RFX1: variants seen among roughly 807,000 people sequenced by gnomAD.
RFX1 encodes the protein regulatory factor X1.
RFX1 carries 42 observed loss-of-function variants against 119.6 expected under a neutral mutation model. That is an observed-to-expected ratio of 0.35 (90% CI 0.27 to 0.45). The LOEUF (loss-of-function observed/expected upper bound fraction) is 0.45, where lower values mean the gene tolerates loss of function less well. Among genes scored for constraint, RFX1 ranks in the 20% least tolerant of loss-of-function variants. The pLI is 1.00. For missense variants in RFX1, 1,118 were observed against 1,368.1 expected (o/e 0.82, Z 2.88); for synonymous variants, 628 against 618.5 (o/e 1.02, Z -0.23).
chr19:13,966,086 C>G lies in RFX1; in HGVS notation c.1962-309G>C, dbSNP rs543559242. 9.2e-5 allele frequency among the ~76,000 whole-genome samples: 14 copies of G among 152,112 alleles called. No individual in the cohort carries two copies. The highest frequency in any genetic ancestry group is 1.9e-4 in the Non-Finnish European group (13 of 67,982). On this transcript the variant is annotated intron_variant, in intron 14 of 20. Coordinates refer to ENST00000254325, the MANE Select transcript of RFX1 (RefSeq NM_002918.5). This position sits in a 1 kb window ranked among gnomAD's most constrained non-coding sequence, Gnocchi z 6.3. ...GGTACCCCCGTCCCCAGGTAAGTAC[C>G]CCCTGCCTCCCAAAGATCCCCAGGG...
intron 19 of RFX1, 27 bp downstream of exon 19, chr19:13,963,094 CG>C (rs1973764517): frequency 6.2e-7 from 1 of 1,608,348 alleles, no homozygotes; most frequent in Admixed American, 1.7e-5. Context: ...GCGCCCCGCC[CG>C]CGCCCCCAGT....
intron 9 of RFX1, among the ~76,000 whole-genome samples, 167 bp from the exon 10 acceptor site, chr19:13,970,342 A>ACT (rs112001666): frequency 0.062 from 9,473 of 152,072 alleles, 982 homozygotes; most frequent in African/African-American, 0.21. Flanking sequence ...GTCCCACAGA[A>ACT]CTCTAGAACT....
In RFX1 at chr19:13,966,790, C is replaced by G; in HGVS notation, c.1733-39G>C. ...GGGAACCGTGAGGCCCTTCATCCCC[C>G]TTGCCTGCCCACCCTGGGGTCCTAC... On this transcript the variant is annotated intron_variant, in intron 12 of 20. Coordinates refer to ENST00000254325, the MANE Select transcript of RFX1 (RefSeq NM_002918.5). This position sits in a 1 kb window ranked among gnomAD's most constrained non-coding sequence, Gnocchi z 6.3. 10 of 1,406,420 alleles carry G rather than the reference C, an allele frequency of 7.1e-6. No homozygotes were observed. The highest frequency in any genetic ancestry group is 9.9e-6 in the Non-Finnish European group (10 of 1,013,310). 87.1% of individuals were successfully genotyped at this position (1,406,420 alleles called of 1,614,324 possible). A position where few individuals can be genotyped will look rare whatever the true frequency, so the allele number is the denominator to read the frequency against.
At chr19:14,005,724 C>T (rs957420139) in intron 1 of RFX1, among the ~76,000 whole-genome samples, 1 of 151,808 alleles carries the variant, frequency 6.6e-6, no homozygotes, top group Non-Finnish European at 1.5e-5. Flanking sequence ...ACCCAGCCGG[C>T]CCCGCCCATA....
At chr19:13,981,766 C>T (rs924790133) in intron 5 of RFX1, among the ~76,000 whole-genome samples, 7 of 152,238 alleles carry the variant, frequency 4.6e-5, no homozygotes, top group African/African-American at 1.7e-4. Flanking sequence ...CCAAGGCTTC[C>T]TGGAAGAGAC....
At position 13,973,096 on chromosome 19, in the gene RFX1, G is replaced by C; in HGVS notation, c.961C>G (p.Pro321Ala). Reference protein sequence around the residue: ...RSSTYSYPETPLYTQTASTSY... With the variant: ...RSSTYSYPETALYTQTASTSY... ...GTGCTTGCCGTCTGCGTGTACAGCG[G>C]CGTCTCGGGATAGGAGTAGGTGCTG... Residue 321 changes from proline (P) to alanine (A), a missense_variant, in exon 9 of 21, where the codon CCG (proline) becomes GCG (alanine). Physicochemically the swap from Pro to Ala is conservative, Grantham distance 27. Transcript: ENST00000254325. 6.2e-7 allele frequency: 1 copy of C among 1,600,458 alleles called. No individual in the cohort carries two copies. The highest frequency in any genetic ancestry group is 1.1e-5 in the South Asian group (1 of 91,066).
rs545706199 is a variant in RFX1, at chr19:13,980,793, G to A, written c.622-104C>T. The A allele has an allele frequency of 4.0e-5, 25 of 631,942 alleles. No individual in the cohort carries two copies. Among genetic ancestry groups the A allele is most frequent in the African/African-American group, 9.4e-5 (5 of 52,994 alleles). 39.1% of individuals were successfully genotyped at this position (631,942 alleles called of 1,614,324 possible). A position where few individuals can be genotyped will look rare whatever the true frequency, so the allele number is the denominator to read the frequency against. ...CTCAGGAGAGCTGTCTGGGGAGGGCGGCAGTCTGTGGGGACCTATCCCAAC... is the reference window on the plus strand; with the variant it reads ...CTCAGGAGAGCTGTCTGGGGAGGGCAGCAGTCTGTGGGGACCTATCCCAAC... On this transcript the variant is annotated intron_variant, in intron 5 of 20. Coordinates refer to ENST00000254325, the MANE Select transcript of RFX1 (RefSeq NM_002918.5). This position sits in a 1 kb window ranked among gnomAD's most constrained non-coding sequence, Gnocchi z 5.1.
In RFX1 at chr19:13,970,163, G is replaced by T; in HGVS notation, c.1327C>A (p.Leu443Met). 1 of 1,608,076 alleles carries T rather than the reference G, an allele frequency of 6.2e-7. No homozygotes were observed. The highest frequency in any genetic ancestry group is 8.5e-7 in the Non-Finnish European group (1 of 1,176,136). ...CCCTCAGCCGTCTCATAGTTGTCCA[G>T]GAGCCACTGGACCTGGGGTGGGAGG... ...RASPATVQWL[L>M]DNYETAEGVS... The change falls in exon 10 of 21, where the codon CTG becomes ATG. Residue 443 changes from leucine (L) to methionine (M), a missense_variant. Physicochemically the swap from Leu to Met is conservative, Grantham distance 15. Transcript: ENST00000254325.
chr19:13,964,125 T>G (rs1973817571), intron 16 of RFX1, 118 bp from the exon 17 acceptor site: 1 of 1,128,624 alleles, frequency 8.9e-7, no homozygotes, highest in South Asian at 1.7e-5. Flanking sequence ...AGGAGGGATG[T>G]GCCTCGCTAC....
chr19:13,992,376 C>T (rs1183887217), intron 2 of RFX1, among the ~76,000 whole-genome samples: 1 of 152,194 alleles, frequency 6.6e-6, no homozygotes, highest in African/African-American at 2.4e-5. Flanking sequence ...TCAGGCAGAC[C>T]CTAAACCAGT....
chr19:13,980,841 C>T lies in RFX1; in HGVS notation c.622-152G>A, dbSNP rs894709635. 38 of 579,154 alleles carry T rather than the reference C, an allele frequency of 6.6e-5. No homozygotes were observed. The highest frequency in any genetic ancestry group is 4.1e-4 in the African/African-American group (22 of 53,102). 35.9% of individuals were successfully genotyped at this position (579,154 alleles called of 1,614,324 possible). A position where few individuals can be genotyped will look rare whatever the true frequency, so the allele number is the denominator to read the frequency against. On this transcript the variant is annotated intron_variant, in intron 5 of 20. Transcript: ENST00000254325. The surrounding 1 kb of genome is among the most constrained non-coding windows in gnomAD (Gnocchi z 5.1). ...AACCACCGAGGCTGGTAACTGACCG[C>T]GTCCCACGCATCCAAATGCCTACTC...
In RFX1 at chr19:13,963,138, A is replaced by G. The variant is rs1242025414; in HGVS notation, c.2708T>C (p.Ile903Thr). 1.2e-6 allele frequency: 2 copies of G among 1,611,498 alleles called. No individual in the cohort carries two copies. The change falls in exon 19 of 21, where the codon ATC becomes ACC. Residue 903 changes from isoleucine (I) to threonine (T), a missense_variant. By Grantham distance (89) the Ile-to-Thr change is moderately conservative. This residue lies in a region of RFX1 where 138 missense variants were observed against 117.8 expected (regional missense o/e 1.17). Transcript: ENST00000254325. ...CTCGCGCACCTCGCCCATGACGGCG[A>G]TGGGGGTCTCGCCCTTGGCCTGGGC... ...RVAQAKGETPIAVMGEFANLA... is the reference protein window; with the variant it reads ...RVAQAKGETPTAVMGEFANLA...
chr19:13,996,869 GC>G (rs1484530081), intron 1 of RFX1, among the ~76,000 whole-genome samples: 1 of 151,960 alleles, frequency 6.6e-6, no homozygotes, highest in Non-Finnish European at 1.5e-5. Flanking sequence ...GACTACAGGA[GC>G]CTACTACCAC....
Position 13,963,203 on chromosome 19 carries a change from G to A in RFX1, c.2643C>T (p.Leu881=), listed in dbSNP as rs370229283. 3.1e-6 allele frequency: 5 copies of A among 1,612,702 alleles called. No individual in the cohort carries two copies. The African/African-American group carries it at 4.0e-5, about 13-fold the overall frequency. The part of the protein sequence containing the change: ...SFGSFHLIRL[L]YDEYMYYLIE... ...TCAGGTAGTACATGTACTCGTCGTA[G>A]AGCAGCCGGATGAGGTGGAAGGAAC... The change falls in exon 19 of 21, where the codon CTC becomes CTT. Residue 881 remains leucine (L), a synonymous_variant. Coordinates refer to ENST00000254325, the MANE Select transcript of RFX1 (RefSeq NM_002918.5).
intron 5 of RFX1, among the ~76,000 whole-genome samples, chr19:13,981,521 A>G (rs1008036148): frequency 6.6e-6 from 1 of 152,160 alleles, no homozygotes; most frequent in Non-Finnish European, 1.5e-5. Context: ...GCTTGAACCC[A>G]GGAGTCGGAG....
intron 8 of RFX1, 48 bp from the exon 9 acceptor site, chr19:13,973,175 G>C (rs577556665): frequency 2.9e-6 from 4 of 1,397,422 alleles, no homozygotes; most frequent in Non-Finnish European, 2.9e-6. Flanking sequence ...TGAGAACTGG[G>C]GGGCCGAGGG....
At chr19:13,971,742 G>C (rs1364474730) in intron 9 of RFX1, among the ~76,000 whole-genome samples, 1 of 152,078 alleles carries the variant, frequency 6.6e-6, no homozygotes, top group Non-Finnish European at 1.5e-5. Flanking sequence ...AGGCGTGGTG[G>C]CTCACGTCTG....
intron 2 of RFX1, 86 bp from the exon 3 acceptor site, chr19:13,983,681 C>G: frequency 1.7e-6 from 2 of 1,157,228 alleles, no homozygotes; most frequent in South Asian, 2.8e-5. Context: ...GAAGATGCAG[C>G]CTGAAGCCAA....
At chr19:13,967,016 C>T (rs1052714891) in intron 12 of RFX1, among the ~76,000 whole-genome samples, 5 of 152,154 alleles carry the variant, frequency 3.3e-5, no homozygotes, top group African/African-American at 9.7e-5. Context: ...GGACGTGGGC[C>T]TCTGAGTCCC....
Sources: allele counts gnomAD v4.1 joint callset (sites outside exome capture counted in the v4.1 genomes callset), GRCh38; gene constraint gnomAD v4.1.1; regional missense constraint gnomAD v4.1.1; non-coding constraint Gnocchi (gnomAD v3.1); transcripts MANE v1.5; gene names NCBI Gene and HGNC (gene_info 2026-07-23, HGNC 2026-07-21).